PRSS55: variants seen among roughly 807,000 people sequenced by gnomAD.
PRSS55 encodes the protein serine protease 55, also known as probable serine protease UNQ9391/PRO34284.
PRSS55 carries 41 observed loss-of-function variants against 23.6 expected under a neutral mutation model. The ratio of observed to expected loss-of-function variants is 1.74; its 90% CI spans 1.35 to 2.26. The LOEUF (loss-of-function observed/expected upper bound fraction) is 2.26, where lower values mean the gene tolerates loss of function less well. PRSS55 is among the 30% of genes most tolerant of loss of function. The pLI, the probability that PRSS55 is intolerant of heterozygous loss-of-function variation, is 0.00. For synonymous variants in PRSS55, 262 were observed against 175.5 expected, an observed-to-expected ratio of 1.49 and a Z score of -3.90; for missense variants, 669 against 439.1, an observed-to-expected ratio of 1.52 and a Z score of -4.68.
At position 10,534,039 on chromosome 8, in the gene PRSS55, C is replaced by T. The variant is rs144028048; in HGVS notation, c.741+991C>T. Among the ~76,000 whole-genome samples, 715 of 152,120 alleles carry T rather than the reference C, an allele frequency of 4.7e-3. 10 individuals are homozygous for T. Among genetic ancestry groups the T allele is most frequent in the African/African-American group, 0.016 (652 of 41,514 alleles). On this transcript the variant is annotated intron_variant, in intron 4 of 4. Coordinates refer to ENST00000328655, the MANE Select transcript of PRSS55 (RefSeq NM_198464.4). ...AGCATAGCACTAGGTTTAGGAGCCC[C>T]CCATGTGGTGAATACTGTGGGGACC...
chr8:10,532,471 C>A (rs980240289), intron 3 of PRSS55, among the ~76,000 whole-genome samples: 1 of 152,198 alleles, frequency 6.6e-6, no homozygotes, highest in Non-Finnish European at 1.5e-5. Flanking sequence ...CCTGCCCTTG[C>A]TGAGGACCTA....
At chr8:10,530,873 T>C (rs930043693) in intron 2 of PRSS55, among the ~76,000 whole-genome samples, 1 of 152,158 alleles carries the variant, frequency 6.6e-6, no homozygotes, top group Non-Finnish European at 1.5e-5. Context: ...GACTAACTTC[T>C]GGTCCTGAGT....
rs1812273531 is a variant in PRSS55, at chr8:10,531,699, G to A, written c.598+154G>A. 3 of 1,079,116 alleles carry A rather than the reference G, an allele frequency of 2.8e-6. No homozygotes were observed. In the Admixed American group the frequency reaches 8.0e-5, roughly 29 times the overall value. The allele number at this position is 1,079,116 out of a possible 1,614,324, so 66.8% of individuals were successfully genotyped here. A position where few individuals can be genotyped will look rare whatever the true frequency, so the allele number is the denominator to read the frequency against. ...GCCCAAAGTTTAGCTCCTTTTGGGT[G>A]CCGAAACCCCAAGGTGAGACACCAG... On this transcript the variant is annotated intron_variant, in intron 3 of 4. Coordinates refer to ENST00000328655, the MANE Select transcript of PRSS55 (RefSeq NM_198464.4).
chr8:10,533,693 C>G (rs1812351265), intron 4 of PRSS55, among the ~76,000 whole-genome samples: 1 of 152,196 alleles, frequency 6.6e-6, no homozygotes. Flanking sequence ...GAGGTGCTCC[C>G]TTCATCTTAA....
intron 4 of PRSS55, among the ~76,000 whole-genome samples, chr8:10,551,094 G>A (rs550049245): frequency 2.0e-5 from 3 of 152,288 alleles, no homozygotes; most frequent in Non-Finnish European, 4.4e-5. Flanking sequence ...TGAGCTTTGA[G>A]CACTTTCCAA....
At chr8:10,543,423 T>TCTTTCTTCCTTCCTTCCTTCCTTC (rs1491268512), downstream of PRSS55, among the ~76,000 whole-genome samples, 4 of 71,562 alleles carry the variant, frequency 5.6e-5, no homozygotes, top group East Asian at 1.4e-3. Flanking sequence ...CTTCTTTCTT[T>TCTTTCTTCCTTCCTTCCTTCCTTC]CTTCCTTCCT....
chr8:10,538,728 AG>A lies in PRSS55; in HGVS notation c.995del (p.Ser332ThrfsTer?), dbSNP rs748026672. On this transcript the variant is annotated frameshift_variant, in exon 5 of 5. Transcript: ENST00000328655. LOFTEE classifies it low-confidence loss of function (END_TRUNC). ...SPVSGVPEPGSPRSWLLLCPL... is the reference protein window; with the variant it reads ...SPVSGVPEPGXPRSWLLLCPL... ...AGTCTCGGGAGTCCCAGAGCCAGGC[AG>A]CCCCAGATCCTGGCTCCTGCTCTGT... 1.2e-6 allele frequency: 2 copies of A among 1,613,296 alleles called. No individual in the cohort carries two copies. Among genetic ancestry groups the A allele is most frequent in the East Asian group, 4.5e-5 (2 of 44,880 alleles).
intron 3 of PRSS55, 150 bp downstream of exon 3, chr8:10,531,695 G>C: frequency 8.5e-7 from 1 of 1,173,366 alleles, no homozygotes; most frequent in African/African-American, 1.5e-5. Flanking sequence ...AGCTCCTTTT[G>C]GGTGCCGAAA....
intron 2 of PRSS55, 29 bp downstream of exon 2, chr8:10,529,728 C>A: frequency 6.3e-7 from 1 of 1,594,718 alleles, no homozygotes; most frequent in Non-Finnish European, 8.6e-7. Flanking sequence ...CCACTGCCAC[C>A]TCTCAGGGCG....
chr8:10,528,529 C>T (rs1443245100), intron 1 of PRSS55, among the ~76,000 whole-genome samples: 5 of 152,196 alleles, frequency 3.3e-5, no homozygotes, highest in South Asian at 2.1e-4. Flanking sequence ...GGCCTCTGTC[C>T]GGAAGGGGCA....
intron 4 of PRSS55, among the ~76,000 whole-genome samples, chr8:10,533,544 G>C (rs1406348010): frequency 6.6e-6 from 1 of 152,120 alleles, no homozygotes; most frequent in African/African-American, 2.4e-5. Context: ...CTGAACCAAA[G>C]ACTGGTCTCT....
At chr8:10,548,121 C>G (rs929768034) in intron 4 of PRSS55, among the ~76,000 whole-genome samples, 1 of 152,114 alleles carries the variant, frequency 6.6e-6, no homozygotes, top group Non-Finnish European at 1.5e-5. Flanking sequence ...CAGAGATTCC[C>G]AGAGCTTTGC....
chr8:10,541,988 G>A (rs1291988745), downstream of PRSS55, among the ~76,000 whole-genome samples: 2 of 152,124 alleles, frequency 1.3e-5, no homozygotes, highest in Non-Finnish European at 2.9e-5. Flanking sequence ...TGTTGCCCAG[G>A]CTGGTCTCAA....
chr8:10,532,011 G>C (rs7839763), intron 3 of PRSS55, among the ~76,000 whole-genome samples: 95,048 of 151,728 alleles, frequency 0.63, 29,894 homozygotes, highest in East Asian at 0.75. Flanking sequence ...ACAGAAGAAA[G>C]TCTACTGGGA....
chr8:10,534,280 G>C (rs1812378433), intron 4 of PRSS55, among the ~76,000 whole-genome samples: 1 of 152,218 alleles, frequency 6.6e-6, no homozygotes, highest in African/African-American at 2.4e-5. Flanking sequence ...GAAAGGTGAA[G>C]AGAAAGTGGC....
At chr8:10,531,255 T>C in intron 2 of PRSS55, 40 bp from the exon 3 acceptor site, 1 of 1,608,606 alleles carries the variant, frequency 6.2e-7, no homozygotes, top group South Asian at 1.1e-5. Flanking sequence ...GAGACTTCCC[T>C]TCCCCTTCCA....
intron 4 of PRSS55, among the ~76,000 whole-genome samples, chr8:10,536,603 T>C (rs564176646): frequency 2.0e-5 from 3 of 152,248 alleles, no homozygotes; most frequent in Non-Finnish European, 4.4e-5. Flanking sequence ...AGCAAAGACA[T>C]GGGATCAAAC....
At chr8:10,538,897 C>G, downstream of PRSS55, 1 of 1,238,912 alleles carries the variant, frequency 8.1e-7, no homozygotes, top group Non-Finnish European at 1.1e-6. Flanking sequence ...GAAATTGAGG[C>G]TGGGACCAGG....
At chr8:10,538,114 CAGAGCCTCTCATTTGATA>C (rs1010334856) in intron 4 of PRSS55, among the ~76,000 whole-genome samples, 3 of 152,176 alleles carry the variant, frequency 2.0e-5, no homozygotes, top group Non-Finnish European at 4.4e-5. Flanking sequence ...CTGCCCTTTC[CAGAGCCTCTCATTTGATA>C]AGAGCCTCTC....
Sources: gnomAD v4.1 joint callset for allele counts (sites outside exome capture counted in the v4.1 genomes callset) on GRCh38, gnomAD v4.1.1 for gene constraint, MANE v1.5 for transcripts, NCBI Gene and HGNC (gene_info 2026-07-23, HGNC 2026-07-21) for gene names.